The following UNC80 variants were observed in gnomAD, a reference collection of about 807,000 sequenced individuals.
UNC80 encodes the protein protein unc-80 homolog.
In UNC80, 164 loss-of-function variants were observed where a neutral mutation model predicts 384.6. The ratio of observed to expected loss-of-function variants is 0.43; its 90% CI spans 0.38 to 0.49. The LOEUF (loss-of-function observed/expected upper bound fraction) is 0.49. Among genes scored for constraint, UNC80 ranks in the 20% least tolerant of loss-of-function variants. UNC80 has a pLI of 0.00. For synonymous variants in UNC80, 1,486 were observed against 1,527.8 expected (o/e 0.97, Z 0.64); for missense variants, 3,330 against 4,143.0 (o/e 0.80, Z 5.39).
Position 209,777,351 on chromosome 2 carries a change from G to A in UNC80, c.392G>A (p.Arg131Gln), listed in dbSNP as rs776164997. 33 of 1,614,068 alleles carry A rather than the reference G, an allele frequency of 2.0e-5. No individual in the cohort carries two copies. Among genetic ancestry groups the A allele is most frequent in the African/African-American group, 2.7e-5 (2 of 74,936 alleles). ...LEAPQDCNNE[R>Q]FGGTDRGSSW... ...GCCCCCCAGGACTGCAACAATGAGC[G>A]GTTTGGGGGTACAGACCGAGGCTCC... Residue 131 changes from arginine to glutamine, a missense_variant, in exon 4 of 65, where the codon CGG becomes CAG. By Grantham distance (43) the Arg-to-Gln change is conservative. Around this residue, in one of 8 missense-constraint regions of UNC80, gnomAD observed 937 missense variants for 1,026.8 expected, o/e 0.91. Coordinates refer to ENST00000673920, the MANE Select transcript of UNC80 (RefSeq NM_001371986.1).
chr2:209,930,890 C>T lies in UNC80; in HGVS notation c.5908-78C>T, dbSNP rs1247225185. 8 of 1,063,944 alleles carry T rather than the reference C, an allele frequency of 7.5e-6. No homozygotes were observed. In the East Asian group the frequency reaches 7.9e-5, roughly 11 times the overall value. 65.9% of individuals were successfully genotyped at this position (1,063,944 alleles called of 1,614,324 possible). ...GTAAAAAAAATCCCTCACCCAATCC[C>T]GAATTTTCAAGAAGTTAATTTTATT... On this transcript the variant is annotated intron_variant, in intron 37 of 64. Coordinates refer to ENST00000673920, the MANE Select transcript of UNC80 (RefSeq NM_001371986.1).
At chr2:209,928,344 A>G (rs558312753) in intron 36 of UNC80, among the ~76,000 whole-genome samples, 1 of 152,240 alleles carries the variant, frequency 6.6e-6, no homozygotes, top group South Asian at 2.1e-4. Flanking sequence ...TCAAAAATAA[A>G]AATAAAATAA....
chr2:209,838,315 A>G (rs1343789265), intron 18 of UNC80, among the ~76,000 whole-genome samples: 1 of 149,942 alleles, frequency 6.7e-6, no homozygotes, highest in African/African-American at 2.4e-5. Context: ...TATTGAGTAA[A>G]AATAAAGATC....
intron 36 of UNC80, among the ~76,000 whole-genome samples, chr2:209,927,715 G>T (rs1267285774): frequency 6.6e-6 from 1 of 152,164 alleles, no homozygotes; most frequent in Non-Finnish European, 1.5e-5. Flanking sequence ...AAGCATTCTA[G>T]AACAGAGTTT....
chr2:209,965,449 G>T (rs2092714623), intron 51 of UNC80, among the ~76,000 whole-genome samples: 2 of 151,644 alleles, frequency 1.3e-5, no homozygotes, highest in African/African-American at 4.8e-5. Flanking sequence ...TCTGGGCCCA[G>T]ACCAGACCTT....
At chr2:209,885,731 A>C (rs905338145) in intron 25 of UNC80, among the ~76,000 whole-genome samples, 2 of 152,096 alleles carry the variant, frequency 1.3e-5, no homozygotes, top group African/African-American at 4.8e-5. Flanking sequence ...ACAAGAAACA[A>C]AATGTAGAGT....
Position 209,863,257 on chromosome 2 carries a change from C to A in UNC80, c.3628-9501C>A, listed in dbSNP as rs961518306. 7.2e-5 allele frequency among the ~76,000 whole-genome samples: 11 copies of A among 152,104 alleles called. No homozygotes were observed. The South Asian group carries it at 1.5e-3, about 20-fold the overall frequency. On this transcript the variant is annotated intron_variant, in intron 22 of 64. Coordinates refer to ENST00000673920, the MANE Select transcript of UNC80 (RefSeq NM_001371986.1). ...GTGACCTGGCCTTTCACTCTGGCTG[C>A]CCTTGACAGTTCTTCCTTCATTTCC... is the stretch of plus-strand genomic sequence containing the variant.
chr2:209,997,749 T>C lies in UNC80; in HGVS notation c.*2154T>C, dbSNP rs1317883073. 1 of 151,940 alleles carries C rather than the reference T, an allele frequency of 6.6e-6. No homozygotes were observed. Among genetic ancestry groups the C allele is most frequent in the Non-Finnish European group, 1.5e-5 (1 of 67,974 alleles). The allele number at this position is 151,940 out of a possible 1,614,324, so 9.4% of individuals were successfully genotyped here. A position where few individuals can be genotyped will look rare whatever the true frequency, so the allele number is the denominator to read the frequency against. ...CTCTGAGAAACAGGGCCTTATAGAG[T>C]AGGAATGTTTTCATACTGGGACTAC... is the stretch of plus-strand genomic sequence containing the variant. On this transcript the variant is annotated 3_prime_UTR_variant, in exon 65 of 65. Coordinates refer to ENST00000673920, the MANE Select transcript of UNC80 (RefSeq NM_001371986.1).
chr2:209,898,265 TTTGTTTTTGTTTTTTTCTTA>T (rs2087004466), intron 28 of UNC80, among the ~76,000 whole-genome samples: 1 of 152,100 alleles, frequency 6.6e-6, no homozygotes, highest in South Asian at 2.1e-4. Flanking sequence ...TTGAGTTTAA[TTTGTTTTTGTTTTTTTCTTA>T]ACTTCTTGAC....
Position 209,840,529 on chromosome 2 carries a change from A to C in UNC80, c.3251-13A>C, listed in dbSNP as rs78483370. The C allele has an allele frequency of 4.4e-4, 678 of 1,547,674 alleles. 1 individual carries two copies. The African/African-American group carries it at 8.4e-3, about 19-fold the overall frequency. On this transcript the variant is annotated splice_polypyrimidine_tract_variant and intron_variant, in intron 19 of 64. Coordinates refer to ENST00000673920, the MANE Select transcript of UNC80 (RefSeq NM_001371986.1). ...AATGCTACATTGATCTAAGTGATTT[A>C]ACTATTAAATAGGGAACTGGCTGAA...
intron 21 of UNC80, among the ~76,000 whole-genome samples, chr2:209,842,933 A>C (rs905390985): frequency 4.6e-5 from 7 of 152,124 alleles, no homozygotes; most frequent in African/African-American, 1.7e-4. Flanking sequence ...TTATCCACAA[A>C]TTTGCTTCAT....
intron 43 of UNC80, among the ~76,000 whole-genome samples, chr2:209,940,594 A>G (rs998639211): frequency 6.6e-6 from 1 of 152,142 alleles, no homozygotes; most frequent in African/African-American, 2.4e-5. Flanking sequence ...GAGGCAGATC[A>G]CTTGAGGTCA....
intron 61 of UNC80, among the ~76,000 whole-genome samples, chr2:209,990,574 T>G (rs2093373640): frequency 6.6e-6 from 1 of 152,218 alleles, no homozygotes; most frequent in African/African-American, 2.4e-5. Flanking sequence ...TTTCTACTTT[T>G]GTGCATATGG....
chr2:209,977,182 T>C, intron 58 of UNC80, 104 bp downstream of exon 58: 1 of 1,190,566 alleles, frequency 8.4e-7, no homozygotes, highest in Middle Eastern at 3.2e-4. Context: ...ACTATGAATA[T>C]GTTAGCCATT....
At chr2:209,886,558 G>C (rs1309198158) in intron 25 of UNC80, among the ~76,000 whole-genome samples, 3 of 152,016 alleles carry the variant, frequency 2.0e-5, no homozygotes. Flanking sequence ...TACTTTCCTC[G>C]AGGCTTACTT....
chr2:209,833,768 G>A (rs778807783), intron 16 of UNC80, among the ~76,000 whole-genome samples: 2 of 152,100 alleles, frequency 1.3e-5, no homozygotes, highest in Non-Finnish European at 2.9e-5. Flanking sequence ...AATGAAGCAC[G>A]ATAACCATCC....
intron 22 of UNC80, 117 bp downstream of exon 22, chr2:209,849,740 A>C (rs2082390064): frequency 8.9e-7 from 1 of 1,118,276 alleles, no homozygotes; most frequent in Non-Finnish European, 1.2e-6. Flanking sequence ...GCTTTTTCAG[A>C]ATTAGTGATA....
In UNC80 at chr2:209,805,445, G is replaced by A. The variant is rs144904656; in HGVS notation, c.939-8135G>A. Among the ~76,000 whole-genome samples, 38 of 152,280 alleles carry A rather than the reference G, an allele frequency of 2.5e-4. No individual in the cohort carries two copies. In the East Asian group the frequency reaches 7.1e-3, roughly 29 times the overall value. On this transcript the variant is annotated intron_variant, in intron 7 of 64. Transcript: ENST00000673920. ...TTTATTTTTTTGCATAGTTTCTGAGGATCATGAATGCTGAAACAGCTTAGC... is the reference window on the plus strand; with the variant it reads ...TTTATTTTTTTGCATAGTTTCTGAGAATCATGAATGCTGAAACAGCTTAGC...
At chr2:209,975,488 T>C (rs1236820827) in intron 56 of UNC80, among the ~76,000 whole-genome samples, 4 of 152,038 alleles carry the variant, frequency 2.6e-5, no homozygotes, top group Non-Finnish European at 5.9e-5. Context: ...GTAACAGACG[T>C]AGTGTGTGAT....
Sources: gnomAD v4.1 joint callset for allele counts (sites outside exome capture counted in the v4.1 genomes callset) on GRCh38, gnomAD v4.1.1 for gene constraint, gnomAD v4.1.1 regional missense constraint, MANE v1.5 for transcripts, NCBI Gene and HGNC (gene_info 2026-07-23, HGNC 2026-07-21) for gene names.